Variants in PTPRE observed in about 807,000 individuals in gnomAD.
PTPRE encodes protein tyrosine phosphatase receptor type E.
In PTPRE, 51 loss-of-function variants were observed where a neutral mutation model predicts 102.0. The ratio of observed to expected loss-of-function variants is 0.50; its 90% confidence interval spans 0.40 to 0.63. The LOEUF (loss-of-function observed/expected upper bound fraction) is 0.63. Among genes scored for constraint, PTPRE ranks in the 30% least tolerant of loss-of-function variants. The probability of loss-of-function intolerance (pLI) is 0.00; values close to 1 mark genes in which losing one functional copy is unlikely to be tolerated. For synonymous variants in PTPRE, 345 were observed against 348.2 expected (o/e 0.99, Z 0.10); for missense variants, 752 against 915.1 (o/e 0.82, Z 2.30).
intron 2 of PTPRE, among the ~76,000 whole-genome samples, chr10:128,026,347 C>T (rs1483533025): frequency 6.6e-6 from 1 of 152,252 alleles, no homozygotes; most frequent in South Asian, 2.1e-4. Flanking sequence ...GCTTGCCAGC[C>T]AGCACAAAGC....
chr10:128,047,482 T>C lies in PTPRE; in HGVS notation c.202T>C (p.Phe68Leu). ...CCTCGTGCTCCTTCTCGCCGCCTAC[T>C]TCTTCAGGTAGGAGTGTCCCGGGGC... is the stretch of plus-strand genomic sequence containing the variant. ...LLLVLLLAAY[F>L]FRFRKQRKAV... Residue 68 changes from phenylalanine (F) to leucine (L), a missense_variant, in exon 4 of 21, where the codon TTC becomes CTC. Around this residue, in one of 2 missense-constraint regions of PTPRE, gnomAD observed 116 missense variants for 90.8 expected, o/e 1.28. Coordinates refer to ENST00000254667, the MANE Select transcript of PTPRE (RefSeq NM_006504.6). The C allele has an allele frequency of 6.2e-7, 1 of 1,613,362 alleles. No homozygotes were observed. Among genetic ancestry groups the C allele is most frequent in the Non-Finnish European group, 8.5e-7 (1 of 1,180,026 alleles).
intron 1 of PTPRE, among the ~76,000 whole-genome samples, chr10:127,917,020 C>A (rs1299232412): frequency 6.6e-6 from 1 of 152,010 alleles, no homozygotes; most frequent in African/African-American, 2.4e-5. Flanking sequence ...GAGAAGGGGT[C>A]CCCTGCTGGC....
intron 1 of PTPRE, among the ~76,000 whole-genome samples, chr10:127,980,993 G>C (rs960510870): frequency 9.9e-5 from 15 of 152,174 alleles, no homozygotes; most frequent in African/African-American, 3.4e-4. Context: ...GTAGATAGCA[G>C]CCTAATCAAT....
At chr10:127,998,538 T>C (rs1022793338) in intron 2 of PTPRE, 1 of 152,234 alleles carries the variant, frequency 6.6e-6, no homozygotes, top group African/African-American at 2.4e-5. Context: ...GCACAGTCCT[T>C]GGCACATAGA....
At chr10:127,957,962 A>G (rs1177474756) in intron 1 of PTPRE, among the ~76,000 whole-genome samples, 2 of 152,150 alleles carry the variant, frequency 1.3e-5, no homozygotes, top group African/African-American at 4.8e-5. Flanking sequence ...TATAAATAGG[A>G]TTGTGTTTTT....
intron 16 of PTPRE, 36 bp downstream of exon 16, chr10:128,072,250 G>T (rs1247332716): frequency 6.5e-7 from 1 of 1,549,156 alleles, no homozygotes; most frequent in Admixed American, 1.7e-5. Context: ...TTATGCAGAT[G>T]TGTTTCCTTC....
In PTPRE at chr10:128,085,094, C is replaced by G. The variant is rs1485959814; in HGVS notation, c.*2188C>G. ...CCAGGAACAAAGGAGAAGCCACTTT[C>G]CCCAGGACGCAAGACTCTCCCCTCC... is the stretch of plus-strand genomic sequence containing the variant. On this transcript the variant is annotated 3_prime_UTR_variant, in exon 21 of 21. Coordinates refer to ENST00000254667, the MANE Select transcript of PTPRE (RefSeq NM_006504.6). The G allele has an allele frequency of 4.4e-6, 2 of 455,976 alleles. No homozygotes were observed. 28.2% of individuals were successfully genotyped at this position (455,976 alleles called of 1,614,324 possible).
At chr10:127,935,660 C>T (rs552345091) in intron 1 of PTPRE, among the ~76,000 whole-genome samples, 2 of 152,250 alleles carry the variant, frequency 1.3e-5, no homozygotes, top group South Asian at 2.1e-4. Context: ...GGCTTGATGA[C>T]GCTTCCTGTT....
intron 1 of PTPRE, among the ~76,000 whole-genome samples, chr10:127,945,175 C>T (rs73376134): frequency 0.058 from 8,817 of 152,222 alleles, 375 homozygotes; most frequent in East Asian, 0.15. Flanking sequence ...GGTTGGTTTT[C>T]GAAGTTATTG....
chr10:128,020,038 G>GTT (rs1845743214), intron 2 of PTPRE, among the ~76,000 whole-genome samples: 1 of 123,948 alleles, frequency 8.1e-6, no homozygotes, highest in Non-Finnish European at 1.8e-5. Context: ...GTGTGTGTGT[G>GTT]TGTGTGTGCA....
intron 1 of PTPRE, among the ~76,000 whole-genome samples, chr10:127,955,286 G>GTACA (rs59251219): frequency 0.27 from 40,237 of 149,890 alleles, 5,430 homozygotes; most frequent in Admixed American, 0.33. Context: ...AAATACATGT[G>GTACA]TACATACATA....
chr10:127,989,230 G>A (rs568080348), intron 2 of PTPRE, among the ~76,000 whole-genome samples: 1 of 152,128 alleles, frequency 6.6e-6, no homozygotes, highest in East Asian at 1.9e-4. Flanking sequence ...AAGCTATCAT[G>A]TTAGCATGTT....
intron 20 of PTPRE, 131 bp from the exon 21 acceptor site, chr10:128,082,701 T>C (rs530882597): frequency 6.1e-5 from 63 of 1,035,940 alleles, no homozygotes; most frequent in East Asian, 2.8e-4. Flanking sequence ...TAAATTACGA[T>C]GTGCATAAAG....
chr10:127,984,976 A>G (rs1352347716), intron 2 of PTPRE, among the ~76,000 whole-genome samples: 1 of 152,206 alleles, frequency 6.6e-6, no homozygotes, highest in African/African-American at 2.4e-5. Flanking sequence ...AGCATTTGAG[A>G]CGTGTACAGA....
At position 127,918,766 on chromosome 10, in the gene PTPRE, AGCAAAGGCAGG is replaced by A. The variant is rs61199482; in HGVS notation, c.-31+11460_-31+11470del. ...AGGACAGACACACAATGACAGCAAG[AGCAAAGGCAGG>A]GCCTGCCCGCGAGGAAGAGCCACGG... On this transcript the variant is annotated intron_variant, in intron 1 of 20. Transcript: ENST00000254667. Among the ~76,000 whole-genome samples the A allele has an allele frequency of 5.8e-3, 888 of 152,256 alleles. 54 individuals carry two copies. In the East Asian group the frequency reaches 0.15, roughly 26 times the overall value.
At chr10:127,976,055 G>T (rs533152037) in intron 1 of PTPRE, among the ~76,000 whole-genome samples, 1 of 152,066 alleles carries the variant, frequency 6.6e-6, no homozygotes, top group Non-Finnish European at 1.5e-5. Context: ...CTTCTGCAAG[G>T]GTCTTCTCTT....
chr10:128,010,214 C>T (rs997453356), intron 2 of PTPRE, among the ~76,000 whole-genome samples: 16 of 152,202 alleles, frequency 1.1e-4, no homozygotes, highest in African/African-American at 3.9e-4. Flanking sequence ...TGTTCTCACA[C>T]CAGAGATTAC....
Position 128,021,392 on chromosome 10 carries a change from G to A in PTPRE, c.-7-19483G>A, listed in dbSNP as rs1316684866. On this transcript the variant is annotated intron_variant, in intron 2 of 20. Coordinates refer to ENST00000254667, the MANE Select transcript of PTPRE (RefSeq NM_006504.6). The stretch of plus-strand genomic sequence containing the variant: ...GAGCCTCCTTAGCACTGAGCAAACC[G>A]CCCCCCTCCCCGTGTTCAGGGATAT... Among the ~76,000 whole-genome samples, 9 of 152,294 alleles carry A rather than the reference G, an allele frequency of 5.9e-5. No individual in the cohort carries two copies. In the East Asian group the frequency reaches 7.7e-4, roughly 13 times the overall value.
At chr10:127,982,225 A>G (rs2135465984) in intron 1 of PTPRE, 49 bp from the exon 2 acceptor site, 1 of 1,174,872 alleles carries the variant, frequency 8.5e-7, no homozygotes, top group Middle Eastern at 2.3e-4. Flanking sequence ...TTAGCAGCCA[A>G]CTCCTGTTAA....
Sources: gnomAD v4.1 joint callset for allele counts (sites outside exome capture counted in the v4.1 genomes callset) on GRCh38, gnomAD v4.1.1 for gene constraint, gnomAD v4.1.1 regional missense constraint, MANE v1.5 for transcripts, NCBI Gene and HGNC (gene_info 2026-07-23, HGNC 2026-07-21) for gene names.